FKTN: variants seen among roughly 807,000 people sequenced by gnomAD.
FKTN encodes the protein fukutin, also known as ribitol-5-phosphate transferase FKTN.
In FKTN, 47 loss-of-function variants were observed where a neutral mutation model predicts 58.6. The observed-to-expected ratio is 0.80, with a 90% CI of 0.63 to 1.02. The LOEUF (loss-of-function observed/expected upper bound fraction) is 1.02, where lower values mean the gene tolerates loss of function less well. Ranked by LOEUF, FKTN falls within the 50% of genes least tolerant of loss-of-function variation. The pLI, the probability that FKTN is intolerant of heterozygous loss-of-function variation, is 0.00. For missense variants in FKTN, 516 were observed against 537.3 expected, an observed-to-expected ratio of 0.96 and a Z score of 0.39; for synonymous variants, 178 against 191.9, an observed-to-expected ratio of 0.93 and a Z score of 0.60.
At chr9:105,621,881 CT>C (rs1401921907) in intron 10 of FKTN, among the ~76,000 whole-genome samples, 1 of 152,062 alleles carries the variant, frequency 6.6e-6, no homozygotes, top group Non-Finnish European at 1.5e-5. Context: ...CAGTCACTAT[CT>C]CTGTCCATAT....
At position 105,575,152 on chromosome 9, in the gene FKTN, T is replaced by C. The variant is rs570495326; in HGVS notation, c.105+15T>C. 3.1e-6 allele frequency: 4 copies of C among 1,296,424 alleles called. No individual in the cohort carries two copies. In the African/African-American group the frequency reaches 5.8e-5, roughly 19 times the overall value. The allele number at this position is 1,296,424 out of a possible 1,614,324, so 80.3% of individuals were successfully genotyped here. Reference sequence around the variant, plus strand: ...TATCAACAAAGGTAATTTTATTCCTTCTTTCTTATCATTCCTCCTTTCTTA... The same window carrying C: ...TATCAACAAAGGTAATTTTATTCCTCCTTTCTTATCATTCCTCCTTTCTTA... On this transcript the variant is annotated intron_variant, in intron 3 of 10. Transcript: ENST00000357998.
At chr9:105,612,260 G>A (rs1358163169) in intron 7 of FKTN, among the ~76,000 whole-genome samples, 1 of 151,894 alleles carries the variant, frequency 6.6e-6, no homozygotes, top group Non-Finnish European at 1.5e-5. Flanking sequence ...TTAAGTTCCT[G>A]ATAGATGCTG....
rs1834140125 is a variant in FKTN at position 105,637,693 on chromosome 9, G to C, written c.*2429G>C. ...GGTTTAGTTTACCTGGCTTACCTGG[G>C]GAAGTTGACAACTTGTTGGTAGTTA... On this transcript the variant is annotated 3_prime_UTR_variant, in exon 11 of 11. Transcript: ENST00000357998. 1.0e-6 allele frequency: 1 copy of C among 985,318 alleles called. No homozygotes were observed. The allele number at this position is 985,318 out of a possible 1,614,324, so 61.0% of individuals were successfully genotyped here.
chr9:105,637,136 T>TA lies in FKTN; in HGVS notation c.*1873dup. ...TTAAAAATAATAGAACAAATAATAATACTATTTTTGGGCAAAATCCACCCT... is the reference window on the plus strand; with the variant it reads ...TTAAAAATAATAGAACAAATAATAATAACTATTTTTGGGCAAAATCCACCCT... On this transcript the variant is annotated 3_prime_UTR_variant, in exon 11 of 11. Transcript: ENST00000357998. 1.0e-6 allele frequency: 1 copy of TA among 986,236 alleles called. No individual in the cohort carries two copies. Among genetic ancestry groups the TA allele is most frequent in the Non-Finnish European group, 1.2e-6 (1 of 830,022 alleles). 61.1% of individuals were successfully genotyped at this position (986,236 alleles called of 1,614,324 possible).
At chr9:105,603,747 C>T (rs1291510043) in intron 5 of FKTN, 1 of 166,342 alleles carries the variant, frequency 6.0e-6, no homozygotes, top group Non-Finnish European at 1.3e-5. Flanking sequence ...AATCTTGGCT[C>T]ACTGCAGCCT....
chr9:105,609,671 T>C (rs531002397), intron 7 of FKTN, among the ~76,000 whole-genome samples: 1 of 152,300 alleles, frequency 6.6e-6, no homozygotes, highest in East Asian at 1.9e-4. Flanking sequence ...TTGTGCAGTG[T>C]CCCTCATTTG....
At chr9:105,594,596 T>G (rs2132545110) in intron 3 of FKTN, among the ~76,000 whole-genome samples, 1 of 152,208 alleles carries the variant, frequency 6.6e-6, no homozygotes, top group South Asian at 2.1e-4. Context: ...ATACAAAAAT[T>G]AGCCAGGTGT....
chr9:105,629,560 T>C (rs1469648604), intron 10 of FKTN, among the ~76,000 whole-genome samples: 1 of 152,202 alleles, frequency 6.6e-6, no homozygotes, highest in African/African-American at 2.4e-5. Context: ...TGCTATTAGA[T>C]CTAGTTCTGG....
chr9:105,592,943 G>A (rs1012479904), intron 3 of FKTN, among the ~76,000 whole-genome samples: 1 of 152,056 alleles, frequency 6.6e-6, no homozygotes, highest in African/African-American at 2.4e-5. Flanking sequence ...CTTTCCCTTT[G>A]CCTATTACCC....
intron 1 of FKTN, among the ~76,000 whole-genome samples, chr9:105,558,419 C>T (rs920551081): frequency 6.6e-5 from 10 of 152,110 alleles, no homozygotes; most frequent in Non-Finnish European, 1.2e-4. Flanking sequence ...CAGGTGAAAT[C>T]TTAATCCTGG....
At chr9:105,576,543 A>G (rs1841749905) in intron 3 of FKTN, among the ~76,000 whole-genome samples, 1 of 144,566 alleles carries the variant, frequency 6.9e-6, no homozygotes, top group Non-Finnish European at 1.5e-5. Context: ...TATATGTGCC[A>G]CATTTTCTTA....
In FKTN at chr9:105,586,176, C is replaced by T. The variant is rs576917390; in HGVS notation, c.106-10422C>T. 7.9e-4 allele frequency among the ~76,000 whole-genome samples: 120 copies of T among 152,240 alleles called. 1 individual carries two copies. Among genetic ancestry groups the T allele is most frequent in the African/African-American group, 2.8e-3 (118 of 41,560 alleles). On this transcript the variant is annotated intron_variant, in intron 3 of 10. Transcript: ENST00000357998. ...ACAAGCCTAGCTTTTCTATGATCCT[C>T]CAAATGGGATCTGAATAATCCAGTT...
At position 105,635,308 on chromosome 9, in the gene FKTN, G is replaced by T. The variant is rs1833953664; in HGVS notation, c.*44G>T. On this transcript the variant is annotated 3_prime_UTR_variant, in exon 11 of 11. Coordinates refer to ENST00000357998, the MANE Select transcript of FKTN (RefSeq NM_001079802.2). ...GAGAATTTCTCTTTTGGAAAAAAAG[G>T]TAGATAACTGTTTAAAAAATACATG... The T allele has an allele frequency of 1.2e-6, 2 of 1,613,244 alleles. No homozygotes were observed. The highest frequency in any genetic ancestry group is 1.7e-6 in the Non-Finnish European group (2 of 1,179,582).
rs570005247 is a variant in FKTN, at chr9:105,589,803, T to G, written c.106-6795T>G. On this transcript the variant is annotated intron_variant, in intron 3 of 10. Transcript: ENST00000357998. ...GGAATGAGTATTTTGATGTCTACAG[T>G]GAAGCATACTAGGTAGAAAACAAAG... Among the ~76,000 whole-genome samples the G allele has an allele frequency of 5.9e-5, 9 of 152,230 alleles. No individual in the cohort carries two copies. In the South Asian group the frequency reaches 8.3e-4, roughly 14 times the overall value.
chr9:105,629,048 A>T (rs1564347843), intron 10 of FKTN, among the ~76,000 whole-genome samples: 1 of 152,210 alleles, frequency 6.6e-6, no homozygotes, highest in South Asian at 2.1e-4. Flanking sequence ...GCATTTCATT[A>T]TACTTAACTT....
intron 3 of FKTN, among the ~76,000 whole-genome samples, chr9:105,584,367 A>C (rs1338407582): frequency 6.6e-6 from 1 of 152,120 alleles, no homozygotes; most frequent in Admixed American, 6.5e-5. Context: ...ATCTTTGAAC[A>C]GAAGTGGTAT....
At chr9:105,567,627 C>T (rs532241398) in intron 1 of FKTN, among the ~76,000 whole-genome samples, 4 of 152,086 alleles carry the variant, frequency 2.6e-5, no homozygotes, top group Non-Finnish European at 4.4e-5. Context: ...AACCACTGCT[C>T]AACGAAATAA....
chr9:105,588,107 G>A (rs1844226680), intron 3 of FKTN, among the ~76,000 whole-genome samples: 1 of 152,060 alleles, frequency 6.6e-6, no homozygotes, highest in African/African-American at 2.4e-5. Flanking sequence ...TTTGGTTTGA[G>A]GGTTTCTATA....
At chr9:105,594,942 C>A (rs1245350119) in intron 3 of FKTN, among the ~76,000 whole-genome samples, 1 of 152,076 alleles carries the variant, frequency 6.6e-6, no homozygotes, top group Admixed American at 6.6e-5. Flanking sequence ...TAGCCAAAAG[C>A]TGGAAATAAC....
Sources: gnomAD v4.1 joint callset for allele counts (sites outside exome capture counted in the v4.1 genomes callset) on GRCh38, gnomAD v4.1.1 for gene constraint, MANE v1.5 for transcripts, NCBI Gene and HGNC (gene_info 2026-07-23, HGNC 2026-07-21) for gene names.